Variants in CXCL8 observed in about 807,000 individuals in gnomAD.
CXCL8 encodes C-X-C motif chemokine ligand 8.
CXCL8 carries 12 observed loss-of-function variants against 10.9 expected under a neutral mutation model. The ratio of observed to expected loss-of-function variants is 1.10; its 90% confidence interval spans 0.71 to 1.79. The LOEUF (loss-of-function observed/expected upper bound fraction) is 1.79, where lower values mean the gene tolerates loss of function less well. Ranked by LOEUF, CXCL8 falls within the 40% of genes most tolerant of loss-of-function variation. The pLI is 0.00. For missense variants in CXCL8, 145 were observed against 113.4 expected (o/e 1.28, Z -1.26); for synonymous variants, 41 against 39.6 (o/e 1.03, Z -0.13).
In CXCL8 at chr4:73,743,648, T is replaced by A. The variant is rs1193710482; in HGVS notation, c.*1184T>A. 5.0e-6 allele frequency: 1 copy of A among 201,110 alleles called. No homozygotes were observed. 12.5% of individuals were successfully genotyped at this position (201,110 alleles called of 1,614,324 possible). The stretch of plus-strand genomic sequence containing the variant: ...TATGTGCTCTCCAAATTTTTTTTAC[T>A]GTTTCTGATTGTATGGAAATATAAA... On this transcript the variant is annotated 3_prime_UTR_variant, in exon 4 of 4. Coordinates refer to ENST00000307407, the MANE Select transcript of CXCL8 (RefSeq NM_000584.4).
At position 73,743,039 on chromosome 4, in the gene CXCL8, T is replaced by C. The variant is rs955575800; in HGVS notation, c.*575T>C. On this transcript the variant is annotated 3_prime_UTR_variant, in exon 4 of 4. Coordinates refer to ENST00000307407, the MANE Select transcript of CXCL8 (RefSeq NM_000584.4). ...GCCACCATCTTACCTCACAGTGATG[T>C]TGTGAGGACATGTGGAAGCACTTTA... 8 of 230,048 alleles carry C rather than the reference T, an allele frequency of 3.5e-5. No individual in the cohort carries two copies. Among genetic ancestry groups the C allele is most frequent in the African/African-American group, 1.8e-4 (8 of 45,180 alleles). 14.3% of individuals were successfully genotyped at this position (230,048 alleles called of 1,614,324 possible). A position where few individuals can be genotyped will look rare whatever the true frequency, so the allele number is the denominator to read the frequency against.
rs751369405 is a variant in CXCL8, at chr4:73,741,973, G to C, written c.225G>C (p.Glu75Asp). 9 of 1,611,152 alleles carry C rather than the reference G, an allele frequency of 5.6e-6. No individual in the cohort carries two copies. In the East Asian group the frequency reaches 1.1e-4, roughly 20 times the overall value. The stretch of plus-strand genomic sequence containing the variant: ...GTGTAAAGCTTTCTGATGGAAGAGA[G>C]CTCTGTCTGGACCCCAAGGAAAACT... ...EIIVKLSDGR[E>D]LCLDPKENWV... The change falls in exon 3 of 4, where the codon GAG becomes GAC. Residue 75 changes from glutamate to aspartate, a missense_variant. By Grantham distance (45) the Glu-to-Asp change is conservative. Coordinates refer to ENST00000307407, the MANE Select transcript of CXCL8 (RefSeq NM_000584.4).
At chr4:73,742,316 A>C in intron 3 of CXCL8, 133 bp from the exon 4 acceptor site, 2 of 583,112 alleles carry the variant, frequency 3.4e-6, no homozygotes. Context: ...AATTTCTTTG[A>C]TCTCCCTATT....
At chr4:73,742,415 A>G in intron 3 of CXCL8, 34 bp from the exon 4 acceptor site, 1 of 1,076,706 alleles carries the variant, frequency 9.3e-7, no homozygotes, top group Non-Finnish European at 1.4e-6. Context: ...CTTATTAAAC[A>G]TAGCTCATCT....
Position 73,742,284 on chromosome 4 carries a change from G to A in CXCL8, c.285-165G>A, listed in dbSNP as rs966747236. On this transcript the variant is annotated intron_variant, in intron 3 of 3. Transcript: ENST00000307407. The stretch of plus-strand genomic sequence containing the variant: ...TTAGTAAAGTTCTTTGTCACTCCCA[G>A]TAGTGTCCTATTTTAGATGATAATT... 8 of 584,116 alleles carry A rather than the reference G, an allele frequency of 1.4e-5. No individual in the cohort carries two copies. In the Admixed American group the frequency reaches 2.4e-4, roughly 17 times the overall value. The allele number at this position is 584,116 out of a possible 1,614,324, so 36.2% of individuals were successfully genotyped here. A position where few individuals can be genotyped will look rare whatever the true frequency, so the allele number is the denominator to read the frequency against.
rs202071309 is a variant in CXCL8, at chr4:73,740,669, A to C, written c.11A>C (p.Lys4Thr). Residue 4 changes from lysine (K) to threonine (T), a missense_variant, in exon 1 of 4, where the codon AAG becomes ACG. Lys to Thr is a moderately conservative substitution (Grantham distance 78, BLOSUM62 -1). Transcript: ENST00000307407. ...TCACTGTGTGTAAACATGACTTCCA[A>C]GCTGGCCGTGGCTCTCTTGGCAGCC... Reference protein sequence around the residue: MTSKLAVALLAAFL... With the variant: MTSTLAVALLAAFL... The C allele has an allele frequency of 3.0e-5, 49 of 1,613,662 alleles. No individual in the cohort carries two copies. Among genetic ancestry groups the C allele is most frequent in the Non-Finnish European group, 6.8e-6 (8 of 1,179,770 alleles).
Position 73,742,551 on chromosome 4 carries a change from G to A in CXCL8, c.*87G>A, listed in dbSNP as rs1021264208. On this transcript the variant is annotated 3_prime_UTR_variant, in exon 4 of 4. Transcript: ENST00000307407. Reference sequence around the variant, plus strand: ...TCTACTTCAACACTTCATGTATTGTGTGGGTCTGTTGTAGGGTTGCCAGAT... The same window carrying A: ...TCTACTTCAACACTTCATGTATTGTATGGGTCTGTTGTAGGGTTGCCAGAT... 23 of 775,496 alleles carry A rather than the reference G, an allele frequency of 3.0e-5. No homozygotes were observed. In the African/African-American group the frequency reaches 3.8e-4, roughly 13 times the overall value. 48.0% of individuals were successfully genotyped at this position (775,496 alleles called of 1,614,324 possible). A position where few individuals can be genotyped will look rare whatever the true frequency, so the allele number is the denominator to read the frequency against.
At position 73,743,060 on chromosome 4, in the gene CXCL8, C is replaced by T. The variant is rs1460089087; in HGVS notation, c.*596C>T. ...GATGTTGTGAGGACATGTGGAAGCACTTTAAGTTTTTTCATCATAACATAA... is the reference window on the plus strand; with the variant it reads ...GATGTTGTGAGGACATGTGGAAGCATTTTAAGTTTTTTCATCATAACATAA... On this transcript the variant is annotated 3_prime_UTR_variant, in exon 4 of 4. Transcript: ENST00000307407. 1 of 229,312 alleles carries T rather than the reference C, an allele frequency of 4.4e-6. No homozygotes were observed. The highest frequency in any genetic ancestry group is 2.2e-5 in the African/African-American group (1 of 45,126). The allele number at this position is 229,312 out of a possible 1,614,324, so 14.2% of individuals were successfully genotyped here.
Position 73,740,631 on chromosome 4 carries a change from G to C in CXCL8, c.-28G>C. ...GGACAAGAGCCAGGAAGAAACCACC[G>C]GAAGGAACCATCTCACTGTGTGTAA... On this transcript the variant is annotated 5_prime_UTR_variant, in exon 1 of 4. Coordinates refer to ENST00000307407, the MANE Select transcript of CXCL8 (RefSeq NM_000584.4). 1 of 1,608,104 alleles carries C rather than the reference G, an allele frequency of 6.2e-7. No individual in the cohort carries two copies. The highest frequency in any genetic ancestry group is 8.5e-7 in the Non-Finnish European group (1 of 1,175,780).
rs1456219794 is a variant in CXCL8, at chr4:73,742,038, T to C, written c.284+6T>C. ...GTGGAGAAGTTTTTGAAGAGGTAAG[T>C]TATATATTTTTTAATTTAAATTTTT... On this transcript the variant is annotated splice_donor_region_variant and intron_variant, in intron 3 of 3. Coordinates refer to ENST00000307407, the MANE Select transcript of CXCL8 (RefSeq NM_000584.4). The C allele has an allele frequency of 2.0e-6, 3 of 1,516,254 alleles. No homozygotes were observed. Among genetic ancestry groups the C allele is most frequent in the South Asian group, 2.4e-5 (2 of 81,758 alleles). The allele number at this position is 1,516,254 out of a possible 1,614,324, so 93.9% of individuals were successfully genotyped here.
intron 3 of CXCL8, 156 bp downstream of exon 3, chr4:73,742,188 G>T (rs147230462): frequency 1.7e-6 from 1 of 597,642 alleles, no homozygotes; most frequent in Non-Finnish European, 3.0e-6. Context: ...TGAGTTTGTT[G>T]TACTCATGAC....
rs201880994 is a variant in CXCL8 at position 73,743,630 on chromosome 4, T to C, written c.*1166T>C. ...TTAACTTTAAGATGTTTTTATGTGC[T>C]CTCCAAATTTTTTTTACTGTTTCTG... On this transcript the variant is annotated 3_prime_UTR_variant, in exon 4 of 4. Coordinates refer to ENST00000307407, the MANE Select transcript of CXCL8 (RefSeq NM_000584.4). The C allele has an allele frequency of 9.9e-6, 2 of 202,354 alleles. No individual in the cohort carries two copies. Among genetic ancestry groups the C allele is most frequent in the Non-Finnish European group, 2.0e-5 (2 of 98,986 alleles). The allele number at this position is 202,354 out of a possible 1,614,324, so 12.5% of individuals were successfully genotyped here.
chr4:73,742,449 G>A lies in CXCL8; in HGVS notation c.285G>A (p.Arg95=), dbSNP rs778788011. The change falls in exon 4 of 4, where the codon AGG becomes AGA. Residue 95 remains arginine (R), a splice_region_variant and synonymous_variant. Coordinates refer to ENST00000307407, the MANE Select transcript of CXCL8 (RefSeq NM_000584.4). ...VQRVVEKFLK[R]AENS ...CTTTATATTTTTAATTTTATTTTAG[G>A]GCTGAGAATTCATAAAAAAATTCAT... 1 of 1,412,628 alleles carries A rather than the reference G, an allele frequency of 7.1e-7. No individual in the cohort carries two copies. The highest frequency in any genetic ancestry group is 2.4e-5 in the East Asian group (1 of 42,308). The allele number at this position is 1,412,628 out of a possible 1,614,324, so 87.5% of individuals were successfully genotyped here. A position where few individuals can be genotyped will look rare whatever the true frequency, so the allele number is the denominator to read the frequency against.
Position 73,742,442 on chromosome 4 carries a change from AT to A in CXCL8, c.285-3del. On this transcript the variant is annotated splice_polypyrimidine_tract_variant and splice_region_variant and intron_variant, in intron 3 of 3. Coordinates refer to ENST00000307407, the MANE Select transcript of CXCL8 (RefSeq NM_000584.4). ...AGCTCATCTTTATATTTTTAATTTT[AT>A]TTTAGGGCTGAGAATTCATAAAAAA... The A allele has an allele frequency of 1.5e-6, 2 of 1,377,896 alleles. No homozygotes were observed. The highest frequency in any genetic ancestry group is 1.9e-5 in the Admixed American group (1 of 54,028). 85.4% of individuals were successfully genotyped at this position (1,377,896 alleles called of 1,614,324 possible). A position where few individuals can be genotyped will look rare whatever the true frequency, so the allele number is the denominator to read the frequency against.
rs147544998 is a variant in CXCL8 at position 73,741,660 on chromosome 4, C to A, written c.183C>A (p.Cys61Ter). The change falls in exon 2 of 4, where the codon TGC becomes TGA. Residue 61 changes from cysteine (C) to a stop codon, truncating the protein, a stop_gained. Coordinates refer to ENST00000307407, the MANE Select transcript of CXCL8 (RefSeq NM_000584.4). LOFTEE classifies it high-confidence loss of function. ...ELRVIESGPH[C>*]ANTEIIVKLS... is the part of the protein sequence containing the mutation. ...GAGTGATTGAGAGTGGACCACACTG[C>A]GCCAACACAGAAATTATGTAAGTAC... The A allele has an allele frequency of 5.0e-6, 8 of 1,611,756 alleles. No individual in the cohort carries two copies. The Admixed American group carries it at 1.3e-4, about 27-fold the overall frequency.
intron 2 of CXCL8, 128 bp downstream of exon 2, chr4:73,741,805 T>C: frequency 1.9e-6 from 2 of 1,028,200 alleles, no homozygotes; most frequent in Admixed American, 4.8e-5. Flanking sequence ...AATAAAAATA[T>C]TTGTCTACAT....
At position 73,743,281 on chromosome 4, in the gene CXCL8, TAAAC is replaced by T. The variant is rs1241090265; in HGVS notation, c.*828_*831del. The T allele has an allele frequency of 2.3e-5, 5 of 215,776 alleles. No homozygotes were observed. Among genetic ancestry groups the T allele is most frequent in the African/African-American group, 4.5e-5 (2 of 44,546 alleles). The allele number at this position is 215,776 out of a possible 1,614,324, so 13.4% of individuals were successfully genotyped here. A position where few individuals can be genotyped will look rare whatever the true frequency, so the allele number is the denominator to read the frequency against. The stretch of plus-strand genomic sequence containing the variant: ...TAAATTTCAATCAGGGTTTTTAGAT[TAAAC>T]AAACAAACAATTGGGTACCCAGTTA... On this transcript the variant is annotated 3_prime_UTR_variant, in exon 4 of 4. Transcript: ENST00000307407.
intron 1 of CXCL8, among the ~76,000 whole-genome samples, chr4:73,741,274 G>C (rs1729164213): frequency 1.3e-5 from 2 of 152,098 alleles, no homozygotes; most frequent in Admixed American, 1.3e-4. Flanking sequence ...ATATTGACCA[G>C]ATAAAAATAC....
rs1729235548 is a variant in CXCL8, at chr4:73,743,444, G to A, written c.*980G>A. On this transcript the variant is annotated 3_prime_UTR_variant, in exon 4 of 4. Transcript: ENST00000307407. ...CATTGCCAGCTGTGTTGGTAGTGCT[G>A]TGTTGAATTACGGAATAATGAGTTA... 1 of 204,164 alleles carries A rather than the reference G, an allele frequency of 4.9e-6. No individual in the cohort carries two copies. The highest frequency in any genetic ancestry group is 2.3e-5 in the African/African-American group (1 of 43,866). 12.6% of individuals were successfully genotyped at this position (204,164 alleles called of 1,614,324 possible). A position where few individuals can be genotyped will look rare whatever the true frequency, so the allele number is the denominator to read the frequency against.
Sources: allele counts gnomAD v4.1 joint callset (sites outside exome capture counted in the v4.1 genomes callset), GRCh38; gene constraint gnomAD v4.1.1; transcripts MANE v1.5; gene names NCBI Gene and HGNC (gene_info 2026-07-23, HGNC 2026-07-21).